Variants in SPAG17 observed in about 807,000 individuals in gnomAD.
SPAG17 encodes the protein sperm associated antigen 17.
A neutral mutation model predicts 273.6 loss-of-function variants in SPAG17; 169 were observed. The ratio of observed to expected loss-of-function variants is 0.62; its 90% CI spans 0.55 to 0.70. The LOEUF is 0.70. Ranked by LOEUF, SPAG17 falls within the 30% of genes least tolerant of loss-of-function variation. The pLI, the probability that SPAG17 is intolerant of heterozygous loss-of-function variation, is 0.00. For missense variants in SPAG17, 2,557 were observed against 2,627.8 expected, an observed-to-expected ratio of 0.97 and a Z score of 0.59; for synonymous variants, 825 against 873.2, an observed-to-expected ratio of 0.94 and a Z score of 0.97.
chr1:118,133,202 A>T (rs981533698), intron 3 of SPAG17, among the ~76,000 whole-genome samples: 1 of 152,160 alleles, frequency 6.6e-6, no homozygotes, highest in South Asian at 2.1e-4. Flanking sequence ...CAAGTGCTCA[A>T]AAATGAAGGA....
intron 3 of SPAG17, among the ~76,000 whole-genome samples, chr1:118,128,499 A>G (rs563007616): frequency 3.2e-4 from 48 of 152,318 alleles, no homozygotes; most frequent in African/African-American, 1.1e-3. Flanking sequence ...AAAGGCTTTC[A>G]GTATTTCCCT....
At chr1:117,962,486 T>G (rs981836420) in intron 48 of SPAG17, 26 of 151,808 alleles carry the variant, frequency 1.7e-4, no homozygotes, top group African/African-American at 5.3e-4. Flanking sequence ...CTTTTGAGAT[T>G]GCAGTGAGCT....
intron 3 of SPAG17, among the ~76,000 whole-genome samples, chr1:118,123,038 G>A (rs1317736842): frequency 2.6e-5 from 4 of 152,218 alleles, no homozygotes; most frequent in African/African-American, 7.2e-5. Context: ...AAGAAAAGGT[G>A]TAAAAATGTA....
chr1:118,000,374 C>T (rs1446537699), intron 32 of SPAG17, among the ~76,000 whole-genome samples: 6 of 152,110 alleles, frequency 3.9e-5, no homozygotes, highest in Non-Finnish European at 8.8e-5. Context: ...TCATTGGTAG[C>T]TTGATGGGGA....
At chr1:117,957,154 C>T in intron 48 of SPAG17, 2 of 1,612,714 alleles carry the variant, frequency 1.2e-6, no homozygotes, top group Non-Finnish European at 1.7e-6. Context: ...CAGCTGGGCT[C>T]TGATGTTGAA....
chr1:118,074,078 G>T (rs1018675020), intron 16 of SPAG17, 111 bp from the exon 17 acceptor site: 1 of 694,872 alleles, frequency 1.4e-6, no homozygotes, highest in Non-Finnish European at 2.4e-6. Flanking sequence ...GGGGAAATCT[G>T]CATATGTATA....
chr1:118,160,143 G>T (rs575531488), intron 1 of SPAG17, among the ~76,000 whole-genome samples: 45 of 152,164 alleles, frequency 3.0e-4, no homozygotes, highest in African/African-American at 1.1e-3. Context: ...AGACTCACCC[G>T]CCCTAAAAGG....
rs544125394 is a variant in SPAG17 at position 118,087,125 on chromosome 1, T to G, written c.1360-117A>C. The G allele has an allele frequency of 5.8e-5, 67 of 1,164,704 alleles. 1 individual carries two copies. In the East Asian group the frequency reaches 1.7e-3, roughly 30 times the overall value. 72.1% of individuals were successfully genotyped at this position (1,164,704 alleles called of 1,614,324 possible). A position where few individuals can be genotyped will look rare whatever the true frequency, so the allele number is the denominator to read the frequency against. Reference sequence around the variant, plus strand: ...AACCAGTCCATTTCTGGGACCCAAGTACCACTGATGACACAAAATGGCAGG... The same window carrying G: ...AACCAGTCCATTTCTGGGACCCAAGGACCACTGATGACACAAAATGGCAGG... On this transcript the variant is annotated intron_variant, in intron 10 of 48. Coordinates refer to ENST00000336338, the MANE Select transcript of SPAG17 (RefSeq NM_206996.4).
rs370856990 is a variant in SPAG17, at chr1:118,011,174, C to T, written c.4432+1054G>A. Among the ~76,000 whole-genome samples, 29 of 152,180 alleles carry T rather than the reference C, an allele frequency of 1.9e-4. No individual in the cohort carries two copies. The East Asian group carries it at 2.7e-3, about 14-fold the overall frequency. On this transcript the variant is annotated intron_variant, in intron 30 of 48. Coordinates refer to ENST00000336338, the MANE Select transcript of SPAG17 (RefSeq NM_206996.4). ...GGAAGACAGTGTGGTGATTCTTCAA[C>T]GACCTGAATACAGAAGTACTATTCG...
chr1:118,016,328 T>A, intron 28 of SPAG17, 146 bp from the exon 29 acceptor site: 1 of 668,664 alleles, frequency 1.5e-6, no homozygotes, highest in Middle Eastern at 4.1e-4. Context: ...TTATATTATT[T>A]CTCAATAGGG....
At chr1:118,064,557 AG>A (rs929008342) in intron 18 of SPAG17, among the ~76,000 whole-genome samples, 2 of 126,532 alleles carry the variant, frequency 1.6e-5, no homozygotes, top group Non-Finnish European at 3.2e-5. Context: ...GGACACAGGA[AG>A]GGGAACATCA....
chr1:117,964,626 A>G (rs536770567), intron 47 of SPAG17: 2 of 152,240 alleles, frequency 1.3e-5, no homozygotes, highest in East Asian at 3.9e-4. Context: ...TTCCTTTCCT[A>G]TTTTATATTT....
intron 3 of SPAG17, 100 bp from the exon 4 acceptor site, chr1:118,115,541 A>C: frequency 1.6e-6 from 2 of 1,241,516 alleles, no homozygotes; most frequent in Non-Finnish European, 2.2e-6. Flanking sequence ...ATTATTTGTC[A>C]TACTGGAAAG....
chr1:117,994,762 C>CA (rs1657473966), intron 34 of SPAG17, among the ~76,000 whole-genome samples: 1 of 152,078 alleles, frequency 6.6e-6, no homozygotes, highest in African/African-American at 2.4e-5. Flanking sequence ...TTCATTGACA[C>CA]CTCATCGTCC....
chr1:117,990,796 TG>T, intron 38 of SPAG17, 64 bp downstream of exon 38: 1 of 1,028,866 alleles, frequency 9.7e-7, no homozygotes, highest in Non-Finnish European at 1.5e-6. Flanking sequence ...GACCGATAAG[TG>T]TATTTAAGAT....
chr1:118,068,597 A>G (rs1347107139), intron 17 of SPAG17, among the ~76,000 whole-genome samples: 1 of 151,940 alleles, frequency 6.6e-6, no homozygotes, highest in East Asian at 1.9e-4. Context: ...TTCATATCTT[A>G]TTTTCCCCTT....
chr1:118,133,172 A>G (rs1472538881), intron 3 of SPAG17, among the ~76,000 whole-genome samples: 1 of 152,152 alleles, frequency 6.6e-6, no homozygotes, highest in Admixed American at 6.5e-5. Context: ...ATCCTCCAGC[A>G]ACTAGAACAG....
intron 13 of SPAG17, among the ~76,000 whole-genome samples, chr1:118,082,290 C>T (rs138843920): frequency 1.5e-3 from 230 of 152,256 alleles, no homozygotes; most frequent in African/African-American, 5.3e-3. Context: ...CAAGATTTGG[C>T]TCTTACACTT....
At chr1:118,057,584 T>C (rs1442398357) in intron 18 of SPAG17, among the ~76,000 whole-genome samples, 2 of 152,268 alleles carry the variant, frequency 1.3e-5, no homozygotes, top group Admixed American at 6.5e-5. Context: ...AGAAAGCTTA[T>C]CACACATAGG....
Sources: gnomAD v4.1 joint callset for allele counts (sites outside exome capture counted in the v4.1 genomes callset) on GRCh38, gnomAD v4.1.1 for gene constraint, MANE v1.5 for transcripts, NCBI Gene and HGNC (gene_info 2026-07-23, HGNC 2026-07-21) for gene names.